GRID2: variants seen among roughly 807,000 people sequenced by gnomAD.
GRID2 encodes the protein glutamate receptor ionotropic, delta-2.
GRID2 carries 33 observed loss-of-function variants against 114.8 expected under a neutral mutation model. The ratio of observed to expected loss-of-function variants is 0.29; its 90% CI spans 0.22 to 0.38. The LOEUF is 0.38. Among genes scored for constraint, GRID2 ranks in the 10% least tolerant of loss-of-function variants. The probability of loss-of-function intolerance (pLI) is 1.00; values close to 1 mark genes in which losing one functional copy is unlikely to be tolerated. For synonymous variants in GRID2, 505 were observed against 449.9 expected (o/e 1.12, Z -1.55); for missense variants, 1,184 against 1,257.7 (o/e 0.94, Z 0.89).
At chr4:92,556,824 T>A (rs574382617) in intron 1 of GRID2, among the ~76,000 whole-genome samples, 1 of 152,246 alleles carries the variant, frequency 6.6e-6, no homozygotes, top group Admixed American at 6.6e-5. Flanking sequence ...GAAGCACATT[T>A]GCCATATTCT....
intron 2 of GRID2, among the ~76,000 whole-genome samples, chr4:93,067,763 T>TAA (rs200892535): frequency 4.0e-5 from 6 of 150,878 alleles, no homozygotes; most frequent in Non-Finnish European, 7.4e-5. Context: ...ACTGTGCCTG[T>TAA]AAAAAAAAAT....
At chr4:93,048,717 G>C (rs1306937782) in intron 2 of GRID2, among the ~76,000 whole-genome samples, 5 of 152,082 alleles carry the variant, frequency 3.3e-5, no homozygotes, top group Admixed American at 3.3e-4. Flanking sequence ...CTAGGGAAGA[G>C]AAAGCAAATC....
chr4:93,374,112 T>C (rs1309662965), intron 8 of GRID2, among the ~76,000 whole-genome samples: 2 of 152,164 alleles, frequency 1.3e-5, no homozygotes, highest in Non-Finnish European at 2.9e-5. Flanking sequence ...AGTTAGGTCA[T>C]TATAACTCCA....
At chr4:92,600,643 G>A (rs1729178296) in intron 2 of GRID2, among the ~76,000 whole-genome samples, 1 of 152,110 alleles carries the variant, frequency 6.6e-6, no homozygotes, top group Non-Finnish European at 1.5e-5. Flanking sequence ...CTCTTCTGTA[G>A]GGCTGCTGTG....
chr4:92,727,295 T>G (rs1032426027), intron 2 of GRID2, among the ~76,000 whole-genome samples: 2 of 152,022 alleles, frequency 1.3e-5, no homozygotes, highest in South Asian at 2.1e-4. Flanking sequence ...GCTAACAGAA[T>G]AAATCTCAAT....
chr4:93,496,814 A>G (rs533551735), intron 12 of GRID2, among the ~76,000 whole-genome samples: 1 of 151,980 alleles, frequency 6.6e-6, no homozygotes, highest in East Asian at 1.9e-4. Flanking sequence ...GTTTTGGGCT[A>G]TTACATATAA....
chr4:93,313,155 T>C (rs1168823837), intron 8 of GRID2, among the ~76,000 whole-genome samples: 1 of 151,636 alleles, frequency 6.6e-6, no homozygotes, highest in African/African-American at 2.4e-5. Flanking sequence ...AACAGGCAAA[T>C]AGGAAAAAAA....
At chr4:92,381,543 C>T (rs560068248) in intron 1 of GRID2, among the ~76,000 whole-genome samples, 11 of 151,580 alleles carry the variant, frequency 7.3e-5, no homozygotes, top group Admixed American at 2.6e-4. Context: ...ATCTAAAAGA[C>T]GCTGGGACCC....
At chr4:93,407,813 CCTCCTCCTCCTT>C (rs1766668928) in intron 9 of GRID2, among the ~76,000 whole-genome samples, 1 of 118,900 alleles carries the variant, frequency 8.4e-6, no homozygotes, top group East Asian at 2.2e-4. Flanking sequence ...TCCTCCTCTT[CCTCCTCCTCCTT>C]CTCCTCCTCC....
chr4:93,274,268 T>G (rs1256910943), intron 8 of GRID2, among the ~76,000 whole-genome samples: 1 of 152,130 alleles, frequency 6.6e-6, no homozygotes, highest in Non-Finnish European at 1.5e-5. Context: ...AATTATGCCA[T>G]TTGCTTAACA....
At chr4:93,534,289 A>G (rs1731804861) in intron 13 of GRID2, among the ~76,000 whole-genome samples, 1 of 152,026 alleles carries the variant, frequency 6.6e-6, no homozygotes, top group African/African-American at 2.4e-5. Context: ...TAATTACCTT[A>G]TAGATTTTTT....
intron 4 of GRID2, among the ~76,000 whole-genome samples, chr4:93,178,777 A>G (rs1739610600): frequency 9.6e-6 from 1 of 103,842 alleles, no homozygotes; most frequent in Non-Finnish European, 1.8e-5. Context: ...TAAGAAATGG[A>G]GTTTTAAAAA....
intron 1 of GRID2, among the ~76,000 whole-genome samples, chr4:92,559,966 A>G (rs1483852694): frequency 6.6e-6 from 1 of 152,202 alleles, no homozygotes; most frequent in Non-Finnish European, 1.5e-5. Flanking sequence ...AATCAGTATA[A>G]TTTTTAATTT....
intron 13 of GRID2, among the ~76,000 whole-genome samples, chr4:93,607,499 A>C (rs1740375134): frequency 6.6e-6 from 1 of 152,138 alleles, no homozygotes; most frequent in Admixed American, 6.5e-5. Flanking sequence ...ACAATGATGC[A>C]CTGAGTATTC....
At chr4:92,860,067 T>A (rs935865814) in intron 2 of GRID2, among the ~76,000 whole-genome samples, 1 of 152,182 alleles carries the variant, frequency 6.6e-6, no homozygotes, top group Non-Finnish European at 1.5e-5. Flanking sequence ...AATATCATTT[T>A]ATGCAATACT....
At chr4:92,954,042 G>T (rs997244943) in intron 2 of GRID2, among the ~76,000 whole-genome samples, 5 of 151,924 alleles carry the variant, frequency 3.3e-5, no homozygotes, top group African/African-American at 9.7e-5. Context: ...TTTCTCATTG[G>T]TTTAACTGTG....
chr4:93,286,694 GGTGTGTGTGTGT>G (rs113830718), intron 8 of GRID2, among the ~76,000 whole-genome samples: 6 of 148,192 alleles, frequency 4.0e-5, no homozygotes, highest in Non-Finnish European at 7.4e-5. Flanking sequence ...TGTGTGTGGG[GGTGTGTGTGTGT>G]GTGTGTGTGT....
At chr4:93,655,652 G>A (rs898543236) in intron 14 of GRID2, among the ~76,000 whole-genome samples, 2 of 152,018 alleles carry the variant, frequency 1.3e-5, no homozygotes, top group Non-Finnish European at 2.9e-5. Flanking sequence ...CCAAATTAAG[G>A]ATGACTCTTT....
intron 2 of GRID2, among the ~76,000 whole-genome samples, chr4:92,809,944 A>T (rs1435278452): frequency 6.6e-6 from 1 of 152,072 alleles, no homozygotes; most frequent in Non-Finnish European, 1.5e-5. Context: ...GATGTTCAAC[A>T]AACGTTGGTC....
Sources: gnomAD v4.1 joint callset for allele counts (sites outside exome capture counted in the v4.1 genomes callset) on GRCh38, gnomAD v4.1.1 for gene constraint, MANE v1.5 for transcripts, NCBI Gene and HGNC (gene_info 2026-07-23, HGNC 2026-07-21) for gene names.